Variants in SLC4A10 observed in about 807,000 individuals in gnomAD.
The protein encoded by SLC4A10 is sodium-driven chloride bicarbonate exchanger.
Under a neutral mutation model 137.7 loss-of-function variants are expected in SLC4A10, and 42 were observed. That is an observed-to-expected ratio of 0.30 (90% CI 0.24 to 0.39). The LOEUF is 0.39. Ranked by LOEUF, SLC4A10 falls within the 10% of genes least tolerant of loss-of-function variation. The pLI, the probability that SLC4A10 is intolerant of heterozygous loss-of-function variation, is 1.00. For missense variants in SLC4A10, 925 were observed against 1,355.0 expected (o/e 0.68, Z 4.98); for synonymous variants, 474 against 464.1 (o/e 1.02, Z -0.27).
chr2:161,835,039 C>CTTT (rs5835884), intron 3 of SLC4A10, among the ~76,000 whole-genome samples: 3 of 135,244 alleles, frequency 2.2e-5, no homozygotes, highest in Admixed American at 7.4e-5. Flanking sequence ...GACTATATGT[C>CTTT]TTTTTTTTTT....
chr2:161,698,234 A>G (rs1178556369), intron 1 of SLC4A10, among the ~76,000 whole-genome samples: 1 of 152,214 alleles, frequency 6.6e-6, no homozygotes, highest in Non-Finnish European at 1.5e-5. Context: ...TTCTAAATAT[A>G]CAATCATGTT....
chr2:161,874,977 G>A (rs1191258342), intron 8 of SLC4A10, among the ~76,000 whole-genome samples: 1 of 152,192 alleles, frequency 6.6e-6, no homozygotes, highest in Non-Finnish European at 1.5e-5. Flanking sequence ...AGAGATAATA[G>A]TGTCAGAAAT....
intron 1 of SLC4A10, among the ~76,000 whole-genome samples, chr2:161,738,075 G>A (rs1162490931): frequency 1.3e-5 from 2 of 151,844 alleles, no homozygotes; most frequent in African/African-American, 4.9e-5. Flanking sequence ...AACAAGTTTG[G>A]ATTAAAAAAA....
intron 3 of SLC4A10, among the ~76,000 whole-genome samples, chr2:161,817,290 G>A (rs1335688073): frequency 1.3e-5 from 2 of 152,174 alleles, no homozygotes; most frequent in African/African-American, 2.4e-5. Context: ...TTTGAGAAGT[G>A]TCTGTTCATA....
chr2:161,688,538 A>T (rs1464493633), intron 1 of SLC4A10, among the ~76,000 whole-genome samples: 1 of 152,172 alleles, frequency 6.6e-6, no homozygotes, highest in Non-Finnish European at 1.5e-5. Context: ...TAAATTTGTT[A>T]GGTAAAACAA....
At chr2:161,730,898 T>A (rs1051580671) in intron 1 of SLC4A10, among the ~76,000 whole-genome samples, 1 of 152,192 alleles carries the variant, frequency 6.6e-6, no homozygotes, top group African/African-American at 2.4e-5. Flanking sequence ...GTAGCTGATA[T>A]TATTTTTATT....
intron 15 of SLC4A10, among the ~76,000 whole-genome samples, chr2:161,923,854 T>A (rs536162718): frequency 6.6e-6 from 1 of 152,042 alleles, no homozygotes; most frequent in South Asian, 2.1e-4. Flanking sequence ...AATAACCCCA[T>A]GAGGTTGATT....
At position 161,834,660 on chromosome 2, in the gene SLC4A10, TACAC is replaced by T. The variant is rs72327926; in HGVS notation, c.278-5091_278-5088del. 4.8e-3 allele frequency among the ~76,000 whole-genome samples: 678 copies of T among 141,006 alleles called. 5 individuals carry two copies. The highest frequency in any genetic ancestry group is 6.1e-3 in the African/African-American group (230 of 37,894). The allele number at this position is 141,006 out of a possible 152,430, so 92.5% of individuals were successfully genotyped here. ...CATCAGGGAAAGATCCTTTATCGCC[TACAC>T]ACACACACACACACACACACACACA... On this transcript the variant is annotated intron_variant, in intron 3 of 26. Coordinates refer to ENST00000446997, the MANE Select transcript of SLC4A10 (RefSeq NM_001178015.2).
chr2:161,798,755 C>G (rs2055052971), intron 2 of SLC4A10, among the ~76,000 whole-genome samples: 1 of 150,950 alleles, frequency 6.6e-6, no homozygotes, highest in Non-Finnish European at 1.5e-5. Flanking sequence ...TTTTCCTTAT[C>G]AACAGCTGTG....
intron 1 of SLC4A10, among the ~76,000 whole-genome samples, chr2:161,767,706 G>A (rs2051067813): frequency 6.6e-6 from 1 of 151,970 alleles, no homozygotes; most frequent in Admixed American, 6.6e-5. Context: ...AAAAGGCCCT[G>A]ATAATGTCAA....
At chr2:161,818,827 G>C (rs1275995093) in intron 3 of SLC4A10, among the ~76,000 whole-genome samples, 2 of 152,108 alleles carry the variant, frequency 1.3e-5, no homozygotes, top group African/African-American at 2.4e-5. Flanking sequence ...AGGGATGAAG[G>C]CCACTTGATC....
At chr2:161,679,303 T>A (rs750633716) in intron 1 of SLC4A10, among the ~76,000 whole-genome samples, 2 of 152,140 alleles carry the variant, frequency 1.3e-5, no homozygotes, top group Non-Finnish European at 2.9e-5. Flanking sequence ...AGGTAATAAA[T>A]CATATTTTGC....
chr2:161,896,866 A>G (rs553948255), intron 11 of SLC4A10, among the ~76,000 whole-genome samples: 73 of 152,232 alleles, frequency 4.8e-4, no homozygotes, highest in Non-Finnish European at 1.0e-3. Context: ...TTTAGCCCCT[A>G]CTTAAAACAT....
Position 161,868,773 on chromosome 2 carries a change from TCA to T in SLC4A10, c.767-3517_767-3516del, listed in dbSNP as rs1279183229. ...AATGTTTCCATTTACGTTTAAATAGTCACAGATACCAGTTAACCTTAGTGATA... is the reference window on the plus strand; with the variant it reads ...AATGTTTCCATTTACGTTTAAATAGTCAGATACCAGTTAACCTTAGTGATA... On this transcript the variant is annotated intron_variant, in intron 6 of 26. Coordinates refer to ENST00000446997, the MANE Select transcript of SLC4A10 (RefSeq NM_001178015.2). Among the ~76,000 whole-genome samples, 5 of 151,798 alleles carry T rather than the reference TCA, an allele frequency of 3.3e-5. No homozygotes were observed. In the East Asian group the frequency reaches 9.6e-4, roughly 29 times the overall value.
At chr2:161,792,959 A>G (rs916215491) in intron 2 of SLC4A10, among the ~76,000 whole-genome samples, 4 of 152,142 alleles carry the variant, frequency 2.6e-5, no homozygotes, top group African/African-American at 9.7e-5. Context: ...ATATTAAATA[A>G]TAATTGAAAG....
At chr2:161,745,558 G>A (rs2048308109) in intron 1 of SLC4A10, among the ~76,000 whole-genome samples, 1 of 151,982 alleles carries the variant, frequency 6.6e-6, no homozygotes, top group South Asian at 2.1e-4. Flanking sequence ...TCTGGAATTG[G>A]TCACTGGTGC....
chr2:161,780,884 A>T (rs1296970864), intron 2 of SLC4A10, among the ~76,000 whole-genome samples: 1 of 152,086 alleles, frequency 6.6e-6, no homozygotes, highest in East Asian at 1.9e-4. Flanking sequence ...TTTAATAAAA[A>T]ATACATATCT....
At chr2:161,625,066 C>CGT (rs5835872) in intron 1 of SLC4A10, among the ~76,000 whole-genome samples, 9,336 of 144,098 alleles carry the variant, frequency 0.065, 284 homozygotes, top group Non-Finnish European at 0.072. Context: ...ACAGAAGGAT[C>CGT]GTGTGTGTGT....
intron 1 of SLC4A10, among the ~76,000 whole-genome samples, chr2:161,670,822 C>T (rs2039611753): frequency 6.6e-6 from 1 of 152,038 alleles, no homozygotes; most frequent in Non-Finnish European, 1.5e-5. Context: ...ATTAAATTCT[C>T]CAGGGTCCAG....
Sources: allele counts gnomAD v4.1 joint callset (sites outside exome capture counted in the v4.1 genomes callset), GRCh38; gene constraint gnomAD v4.1.1; transcripts MANE v1.5; gene names NCBI Gene and HGNC (gene_info 2026-07-23, HGNC 2026-07-21).